Variants in SERPINA4 observed in about 807,000 individuals in gnomAD.
SERPINA4 encodes kallistatin.
In SERPINA4, 24 loss-of-function variants were observed where a neutral mutation model predicts 25.4. The ratio of observed to expected loss-of-function variants is 0.95; its 90% CI spans 0.69 to 1.33. SERPINA4 has a LOEUF of 1.33. Among genes scored for constraint, SERPINA4 ranks in the 40% most tolerant of loss-of-function variants. The probability of loss-of-function intolerance (pLI) is 0.00; values close to 1 mark genes in which losing one functional copy is unlikely to be tolerated. For missense variants in SERPINA4, 553 were observed against 535.8 expected, an observed-to-expected ratio of 1.03 and a Z score of -0.32; for synonymous variants, 242 against 223.6, an observed-to-expected ratio of 1.08 and a Z score of -0.73.
rs1279417092 is a variant in SERPINA4 at position 94,569,380 on chromosome 14, T to G, written c.1084-15T>G. ...CTTGCTGGCTTGGAGATAATGCTTG[T>G]GATTTTCCTCCCAGAGTTTCCACAA... On this transcript the variant is annotated splice_polypyrimidine_tract_variant and intron_variant, in intron 4 of 4. Coordinates refer to ENST00000557004, the MANE Select transcript of SERPINA4 (RefSeq NM_006215.4). The G allele has an allele frequency of 1.9e-6, 3 of 1,612,084 alleles. No homozygotes were observed. In the African/African-American group the frequency reaches 4.0e-5, roughly 21 times the overall value.
intron 2 of SERPINA4, among the ~76,000 whole-genome samples, chr14:94,566,748 C>T (rs867056579): frequency 6.6e-6 from 1 of 152,244 alleles, no homozygotes; most frequent in Non-Finnish European, 1.5e-5. Flanking sequence ...AAACGAACAT[C>T]CTCTGCTATC....
chr14:94,563,360 G>C (rs1902084356), intron 1 of SERPINA4, 106 bp from the exon 2 acceptor site: 2 of 1,172,058 alleles, frequency 1.7e-6, no homozygotes, highest in African/African-American at 3.1e-5. Context: ...TGCAGGAGTT[G>C]AGGGTGTCAC....
intron 3 of SERPINA4, 65 bp downstream of exon 3, chr14:94,567,308 A>T: frequency 6.6e-7 from 1 of 1,517,852 alleles, no homozygotes; most frequent in Admixed American, 2.0e-5. Context: ...TTCTAATGAA[A>T]GACAGTGCCC....
rs568517835 is a variant in SERPINA4, at chr14:94,565,972, G to A, written c.650-998G>A. ...CAGGAAGACATTGGTTAGAATCCCAGATCCCTTGCTATTCCCTGGACTAAA... is the reference window on the plus strand; with the variant it reads ...CAGGAAGACATTGGTTAGAATCCCAAATCCCTTGCTATTCCCTGGACTAAA... On this transcript the variant is annotated intron_variant, in intron 2 of 4. Transcript: ENST00000557004. Among the ~76,000 whole-genome samples the A allele has an allele frequency of 1.2e-3, 183 of 152,310 alleles. 1 individual carries two copies. The highest frequency in any genetic ancestry group is 4.2e-3 in the African/African-American group (174 of 41,564).
At chr14:94,567,359 C>CAA in intron 3 of SERPINA4, 116 bp downstream of exon 3, 1 of 1,165,182 alleles carries the variant, frequency 8.6e-7, no homozygotes, top group Non-Finnish European at 1.2e-6. Context: ...AGAATTCTCA[C>CAA]TTGCTCTGAG....
Position 94,563,590 on chromosome 14 carries a change from C to T in SERPINA4, c.108C>T (p.His36=). The change falls in exon 2 of 5, where the codon CAC becomes CAT. Residue 36 remains histidine (H), a synonymous_variant. Coordinates refer to ENST00000557004, the MANE Select transcript of SERPINA4 (RefSeq NM_006215.4). ...GTGAGAGTTGCAGTAACAGCTCCCA[C>T]CAGCAGATTCTGGAGACAGGTGAGG... is the stretch of plus-strand genomic sequence containing the variant. ...HDGESCSNSS[H]QQILETGEGS... 6.2e-7 allele frequency: 1 copy of T among 1,614,040 alleles called. No homozygotes were observed. The highest frequency in any genetic ancestry group is 2.2e-5 in the East Asian group (1 of 44,886).
chr14:94,561,728 C>G, intron 1 of SERPINA4: 1 of 1,289,724 alleles, frequency 7.8e-7, no homozygotes. Context: ...GCCCGGAGAC[C>G]CAGAAAAGCC....
intron 1 of SERPINA4, chr14:94,561,843 G>A (rs1902039028): frequency 7.8e-7 from 1 of 1,289,696 alleles, no homozygotes; most frequent in Non-Finnish European, 1.0e-6. Flanking sequence ...GAGGGGAGGT[G>A]TGTCTGTGAG....
At chr14:94,568,324 C>T (rs762151816) in intron 4 of SERPINA4, 36 bp downstream of exon 4, 15 of 1,611,714 alleles carry the variant, frequency 9.3e-6, no homozygotes, top group South Asian at 6.6e-5. Context: ...CTAGAGAACT[C>T]GGTAGGGCAG....
At chr14:94,567,275 A>G (rs754082534) in intron 3 of SERPINA4, 32 bp downstream of exon 3, 2 of 1,570,166 alleles carry the variant, frequency 1.3e-6, no homozygotes, top group Admixed American at 3.6e-5. Context: ...CTGAATCTAC[A>G]GTACTATCCA....
At position 94,563,680 on chromosome 14, in the gene SERPINA4, C is replaced by G; in HGVS notation, c.198C>G (p.Ile66Met). 6.2e-7 allele frequency: 1 copy of G among 1,613,902 alleles called. No homozygotes were observed. The highest frequency in any genetic ancestry group is 1.1e-5 in the South Asian group (1 of 91,052). Residue 66 changes from isoleucine to methionine, a missense_variant, in exon 2 of 5, where the codon ATC becomes ATG. By Grantham distance (10) the Ile-to-Met change is conservative. Transcript: ENST00000557004. ...ADFAFRFYYL[I>M]ASETPGKNIF... ...TTGCCTTCCGCTTCTACTACCTGATCGCTTCGGAGACCCCGGGGAAGAACA... is the reference window on the plus strand; with the variant it reads ...TTGCCTTCCGCTTCTACTACCTGATGGCTTCGGAGACCCCGGGGAAGAACA...
intron 3 of SERPINA4, among the ~76,000 whole-genome samples, chr14:94,567,451 C>T (rs1902257181): frequency 6.6e-6 from 1 of 152,170 alleles, no homozygotes; most frequent in Admixed American, 6.5e-5. Flanking sequence ...CAAAAAAGAA[C>T]CACAGTAGGA....
At chr14:94,566,279 T>G (rs1902205876) in intron 2 of SERPINA4, among the ~76,000 whole-genome samples, 1 of 152,262 alleles carries the variant, frequency 6.6e-6, no homozygotes, top group Admixed American at 6.5e-5. Flanking sequence ...ACGGGGCTGA[T>G]GGTCTCACTT....
At chr14:94,565,443 G>A (rs969532325) in intron 2 of SERPINA4, among the ~76,000 whole-genome samples, 1 of 152,086 alleles carries the variant, frequency 6.6e-6, no homozygotes, top group Non-Finnish European at 1.5e-5. Flanking sequence ...AAATCTACAG[G>A]GAACAAAATT....
chr14:94,566,972 C>G lies in SERPINA4; in HGVS notation c.652C>G (p.Leu218Val). 6.2e-7 allele frequency: 1 copy of G among 1,612,756 alleles called. No homozygotes were observed. The highest frequency in any genetic ancestry group is 8.5e-7 in the Non-Finnish European group (1 of 1,179,076). Residue 218 changes from leucine to valine, a missense_variant and splice_region_variant, in exon 3 of 5, where the codon CTG becomes GTG. Physicochemically the swap from Leu to Val is conservative, Grantham distance 32. Transcript: ENST00000557004. ...CCTTCTTTTCATCTTCCCTTCAGCC[C>G]TGTGGGAGAAACCATTCATTTCCTC... The part of the protein sequence containing the change: ...VLVNYIYFKA[L>V]WEKPFISSRT...
chr14:94,565,497 T>C (rs2139903572), intron 2 of SERPINA4, among the ~76,000 whole-genome samples: 1 of 152,276 alleles, frequency 6.6e-6, no homozygotes, highest in East Asian at 1.9e-4. Flanking sequence ...AAATTAGTCA[T>C]CCCATGTAAT....
Position 94,564,022 on chromosome 14 carries a change from G to C in SERPINA4, c.540G>C (p.Gln180His). 6.2e-7 allele frequency: 1 copy of C among 1,613,452 alleles called. No homozygotes were observed. The highest frequency in any genetic ancestry group is 1.1e-5 in the South Asian group (1 of 91,084). Residue 180 changes from glutamine to histidine, a missense_variant, in exon 2 of 5, where the codon CAG becomes CAC. Physicochemically the swap from Gln to His is conservative, Grantham distance 24 (BLOSUM62 0). Coordinates refer to ENST00000557004, the MANE Select transcript of SERPINA4 (RefSeq NM_006215.4). Reference sequence around the variant, plus strand: ...TCTACGACACTGTGGGCACAATCCAGCTTATCAACGACCACGTCAAGAAGG... The same window carrying C: ...TCTACGACACTGTGGGCACAATCCACCTTATCAACGACCACGTCAAGAAGG... Reference protein sequence around the residue: ...TNFYDTVGTIQLINDHVKKET... With the variant: ...TNFYDTVGTIHLINDHVKKET...
intron 1 of SERPINA4, chr14:94,561,763 C>A: frequency 7.8e-7 from 1 of 1,289,752 alleles, no homozygotes; most frequent in Non-Finnish European, 1.0e-6. Context: ...ACAGCTGGTA[C>A]AGGGCGGCAC....
intron 2 of SERPINA4, 45 bp downstream of exon 2, chr14:94,564,176 T>C (rs2139902086): frequency 3.8e-6 from 6 of 1,559,008 alleles, no homozygotes; most frequent in African/African-American, 2.7e-5. Flanking sequence ...CACCACCGCC[T>C]CCAACCCACT....
Sources: gnomAD v4.1 joint callset for allele counts (sites outside exome capture counted in the v4.1 genomes callset) on GRCh38, gnomAD v4.1.1 for gene constraint, MANE v1.5 for transcripts, NCBI Gene and HGNC (gene_info 2026-07-23, HGNC 2026-07-21) for gene names.